Variants in CCR5AS observed in about 807,000 individuals in gnomAD.
CCR5AS encodes CCR5 antisense RNA.
intron 2 of CCR5AS, among the ~76,000 whole-genome samples, chr3:46,379,740 A>G (rs1701799915): frequency 6.6e-6 from 1 of 151,954 alleles, no homozygotes; most frequent in African/African-American, 2.4e-5. Flanking sequence ...TACTAAAAAT[A>G]CAAAAAATTA....
At chr3:46,397,829 G>A (rs1701973704) in intron 1 of CCR5AS, among the ~76,000 whole-genome samples, 1 of 152,184 alleles carries the variant, frequency 6.6e-6, no homozygotes, top group African/African-American at 2.4e-5. Context: ...TCTATGAGAT[G>A]AATAAAGGAA....
chr3:46,370,294 A>G lies in CCR5AS; in HGVS notation n.565+950T>C, dbSNP rs1356749414. On this transcript the variant is annotated intron_variant and non_coding_transcript_variant, in intron 3 of 3. Coordinates refer to ENST00000451485, the Ensembl canonical transcript of CCR5AS. ...GATCCTGGGTCCAGAAAAAGATGGG[A>G]AACCTGTTTAGCTCACCCGTGAGCC... 2.0e-5 allele frequency among the ~76,000 whole-genome samples: 3 copies of G among 152,286 alleles called. No individual in the cohort carries two copies. The East Asian group carries it at 5.8e-4, about 29-fold the overall frequency.
At chr3:46,392,229 C>T (rs1226213881) in intron 2 of CCR5AS, among the ~76,000 whole-genome samples, 1 of 152,222 alleles carries the variant, frequency 6.6e-6, no homozygotes, top group Non-Finnish European at 1.5e-5. Context: ...ACCCACTCCA[C>T]ATTACCTTCT....
intron 1 of CCR5AS, among the ~76,000 whole-genome samples, chr3:46,395,848 G>GCCCTTTCCAAGA (rs1471595161): frequency 6.6e-6 from 1 of 152,158 alleles, no homozygotes; most frequent in Non-Finnish European, 1.5e-5. Flanking sequence ...TAGGGAAGGG[G>GCCCTTTCCAAGA]CCCTTTCCAA....
chr3:46,401,230 A>G (rs1702003326), intron 1 of CCR5AS, among the ~76,000 whole-genome samples: 1 of 152,216 alleles, frequency 6.6e-6, no homozygotes, highest in Non-Finnish European at 1.5e-5. Context: ...CACGCAGGCC[A>G]CAGGAAAATG....
intron 2 of CCR5AS, among the ~76,000 whole-genome samples, chr3:46,378,881 T>A (rs1199189353): frequency 6.6e-6 from 1 of 152,220 alleles, no homozygotes; most frequent in African/African-American, 2.4e-5. Flanking sequence ...CTAAGCATTT[T>A]TCATATTGCA....
chr3:46,380,929 A>G (rs571156709), intron 2 of CCR5AS, among the ~76,000 whole-genome samples: 1 of 149,146 alleles, frequency 6.7e-6, no homozygotes, highest in African/African-American at 2.5e-5. Flanking sequence ...TTGTCTGAGC[A>G]AGACTTTGCC....
chr3:46,390,173 T>G (rs1193636499), intron 2 of CCR5AS, among the ~76,000 whole-genome samples: 1 of 152,100 alleles, frequency 6.6e-6, no homozygotes, highest in East Asian at 1.9e-4. Context: ...TTGTTGGGAC[T>G]GGTGGGTGTC....
At chr3:46,373,401 A>C in intron 2 of CCR5AS, 1 of 1,612,418 alleles carries the variant, frequency 6.2e-7, no homozygotes, top group Non-Finnish European at 8.5e-7. Context: ...AATCATCTTT[A>C]CCAGATCTCA....
At chr3:46,405,612 G>T (rs1052715376) in intron 1 of CCR5AS, among the ~76,000 whole-genome samples, 2 of 152,102 alleles carry the variant, frequency 1.3e-5, no homozygotes, top group African/African-American at 2.4e-5. Flanking sequence ...GGTGGGAAGA[G>T]TGTCCCAGGG....
intron 2 of CCR5AS, among the ~76,000 whole-genome samples, chr3:46,390,923 C>T (rs570890203): frequency 1.3e-4 from 20 of 152,216 alleles, no homozygotes; most frequent in African/African-American, 1.9e-4. Flanking sequence ...GGGTAGCCTC[C>T]GTATTGATTA....
At chr3:46,389,446 CTT>C (rs1701892144) in intron 2 of CCR5AS, among the ~76,000 whole-genome samples, 1 of 152,180 alleles carries the variant, frequency 6.6e-6, no homozygotes, top group African/African-American at 2.4e-5. Flanking sequence ...GCTAAGGTAT[CTT>C]CACATGGCTG....
chr3:46,376,661 T>C (rs1401827053), intron 2 of CCR5AS, among the ~76,000 whole-genome samples: 1 of 152,204 alleles, frequency 6.6e-6, no homozygotes. Context: ...AGGATGCTTT[T>C]CTTTCATTTA....
intron 1 of CCR5AS, among the ~76,000 whole-genome samples, chr3:46,398,415 T>C (rs1237115210): frequency 8.5e-5 from 13 of 152,322 alleles, no homozygotes; most frequent in Middle Eastern, 6.8e-3. Flanking sequence ...GCAGAGCTAA[T>C]AAACCTCTGT....
At chr3:46,377,899 G>T (rs1264319756) in intron 2 of CCR5AS, among the ~76,000 whole-genome samples, 1 of 152,208 alleles carries the variant, frequency 6.6e-6, no homozygotes, top group South Asian at 2.1e-4. Flanking sequence ...TAGAGACAGG[G>T]TTTCACCGTA....
At chr3:46,369,948 C>T (rs1021417883) in intron 3 of CCR5AS, among the ~76,000 whole-genome samples, 2 of 152,076 alleles carry the variant, frequency 1.3e-5, no homozygotes, top group African/African-American at 2.4e-5. Context: ...ATTCTAGAGC[C>T]AAGGTCACGG....
At chr3:46,398,546 A>C (rs1701980198) in intron 1 of CCR5AS, among the ~76,000 whole-genome samples, 1 of 152,178 alleles carries the variant, frequency 6.6e-6, no homozygotes. Context: ...TTTATACCAG[A>C]GCCAATTCGG....
intron 3 of CCR5AS, among the ~76,000 whole-genome samples, chr3:46,370,048 A>G (rs1031979216): frequency 6.6e-6 from 1 of 152,156 alleles, no homozygotes; most frequent in African/African-American, 2.4e-5. Context: ...GATGTCACCA[A>G]CCGCCAAGAG....
chr3:46,374,299 G>A, intron 2 of CCR5AS: 1 of 218,052 alleles, frequency 4.6e-6, no homozygotes. Flanking sequence ...GCTGATTCTT[G>A]AGTTTAGTGA....
Sources: gnomAD v4.1 joint callset for allele counts (sites outside exome capture counted in the v4.1 genomes callset) on GRCh38, gnomAD v4.1.1 for gene constraint, MANE v1.5 for transcripts, NCBI Gene and HGNC (gene_info 2026-07-23, HGNC 2026-07-21) for gene names.